Variants in NCKAP5 observed in about 807,000 individuals in gnomAD.
NCKAP5 encodes the protein nck-associated protein 5.
Under a neutral mutation model 167.0 loss-of-function variants are expected in NCKAP5, and 92 were observed. The ratio of observed to expected loss-of-function variants is 0.55; its 90% CI spans 0.47 to 0.66. The LOEUF is 0.66. Among genes scored for constraint, NCKAP5 ranks in the 30% least tolerant of loss-of-function variants. The pLI is 0.00. For synonymous variants in NCKAP5, 891 were observed against 877.4 expected (o/e 1.02, Z -0.27); for missense variants, 2,378 against 2,315.0 (o/e 1.03, Z -0.56).
intron 7 of NCKAP5, among the ~76,000 whole-genome samples, 155 bp from the exon 8 acceptor site, chr2:132,964,024 T>C (rs1255047613): frequency 2.0e-5 from 3 of 152,160 alleles, no homozygotes; most frequent in South Asian, 2.1e-4. Context: ...TTTTAAAAAA[T>C]GAAGTAGATA....
intron 8 of NCKAP5, among the ~76,000 whole-genome samples, chr2:132,884,961 G>C (rs11895174): frequency 6.6e-6 from 1 of 152,158 alleles, no homozygotes; most frequent in South Asian, 2.1e-4. Flanking sequence ...ATCTATTACT[G>C]CCAAGCAAAT....
At chr2:132,819,998 G>A (rs1441256371) in intron 11 of NCKAP5, among the ~76,000 whole-genome samples, 3 of 152,082 alleles carry the variant, frequency 2.0e-5, no homozygotes, top group Non-Finnish European at 2.9e-5. Context: ...CTTTTATAAA[G>A]TTTTCAGAAC....
At chr2:133,562,586 G>A (rs566617325) in intron 1 of NCKAP5, among the ~76,000 whole-genome samples, 9 of 152,206 alleles carry the variant, frequency 5.9e-5, no homozygotes, top group African/African-American at 1.4e-4. Flanking sequence ...TTTCAACACC[G>A]TAATATTTAT....
intron 6 of NCKAP5, among the ~76,000 whole-genome samples, chr2:133,049,583 C>A (rs1010337639): frequency 4.7e-5 from 7 of 149,524 alleles, no homozygotes; most frequent in South Asian, 2.1e-4. Flanking sequence ...GGCACACAGG[C>A]AAGTTTTTCA....
intron 8 of NCKAP5, among the ~76,000 whole-genome samples, chr2:132,924,991 A>T (rs1263648396): frequency 6.6e-6 from 1 of 152,122 alleles, no homozygotes. Context: ...TTAGAATTGT[A>T]TGTTTTGCAT....
chr2:132,864,275 GA>G (rs1250163720), intron 10 of NCKAP5, among the ~76,000 whole-genome samples: 1 of 151,736 alleles, frequency 6.6e-6, no homozygotes, highest in Non-Finnish European at 1.5e-5. Flanking sequence ...TGTGTCTTCA[GA>G]TAAGAAAATG....
intron 19 of NCKAP5, among the ~76,000 whole-genome samples, chr2:132,675,997 G>C (rs1684409866): frequency 6.6e-6 from 1 of 152,130 alleles, no homozygotes; most frequent in African/African-American, 2.4e-5. Context: ...CAGTCTCTAG[G>C]CAGAGCAGCC....
At position 133,047,910 on chromosome 2, in the gene NCKAP5, A is replaced by G. The variant is rs187237613; in HGVS notation, c.342-53671T>C. On this transcript the variant is annotated intron_variant, in intron 6 of 19. Coordinates refer to ENST00000409261, the MANE Select transcript of NCKAP5 (RefSeq NM_207363.3). ...GGTTGCATATATAAAATGAAGCCCCACATTCAAAAGCAGAACTTTGGCATG... is the reference window on the plus strand; with the variant it reads ...GGTTGCATATATAAAATGAAGCCCCGCATTCAAAAGCAGAACTTTGGCATG... 3.3e-4 allele frequency among the ~76,000 whole-genome samples: 50 copies of G among 152,350 alleles called. No individual in the cohort carries two copies. In the East Asian group the frequency reaches 8.7e-3, roughly 26 times the overall value.
intron 3 of NCKAP5, among the ~76,000 whole-genome samples, chr2:133,313,027 C>A (rs1292284723): frequency 6.6e-6 from 1 of 152,178 alleles, no homozygotes; most frequent in Non-Finnish European, 1.5e-5. Context: ...TAGGGTCAGA[C>A]AATAACAGAC....
chr2:133,435,967 A>G (rs1242703340), intron 3 of NCKAP5, among the ~76,000 whole-genome samples: 4 of 151,894 alleles, frequency 2.6e-5, no homozygotes, highest in African/African-American at 9.7e-5. Flanking sequence ...TAAAATAGTT[A>G]CTCTTCATGA....
At chr2:133,421,453 T>C (rs1430228394) in intron 3 of NCKAP5, among the ~76,000 whole-genome samples, 1 of 152,202 alleles carries the variant, frequency 6.6e-6, no homozygotes, top group Non-Finnish European at 1.5e-5. Flanking sequence ...GAGGTTACAT[T>C]AAAGCACAGA....
At chr2:133,202,859 A>T (rs1023836951) in intron 5 of NCKAP5, among the ~76,000 whole-genome samples, 3 of 152,192 alleles carry the variant, frequency 2.0e-5, no homozygotes, top group African/African-American at 7.2e-5. Context: ...CACACCAGTT[A>T]GAATGGTGAT....
rs557167863 is a variant in NCKAP5 at position 133,214,177 on chromosome 2, C to T, written c.144-398G>A. ...CACACCAATAATATTAAGAAGCAAA[C>T]AAAATATAACTCCTTACTACTTTTA... is the stretch of plus-strand genomic sequence containing the variant. On this transcript the variant is annotated intron_variant, in intron 4 of 19. Transcript: ENST00000409261. Among the ~76,000 whole-genome samples the T allele has an allele frequency of 2.6e-5, 4 of 152,198 alleles. No individual in the cohort carries two copies. The South Asian group carries it at 6.2e-4, about 24-fold the overall frequency.
intron 13 of NCKAP5, 81 bp from the exon 14 acceptor site, chr2:132,785,799 T>G: frequency 8.5e-7 from 1 of 1,173,992 alleles, no homozygotes; most frequent in Non-Finnish European, 1.1e-6. Context: ...ATCATGGGAC[T>G]TAATTTGTGC....
At chr2:133,386,981 G>A (rs1296121392) in intron 3 of NCKAP5, among the ~76,000 whole-genome samples, 1 of 152,154 alleles carries the variant, frequency 6.6e-6, no homozygotes. Context: ...GCACACTGAT[G>A]GGTCTTGACT....
chr2:132,825,753 T>C lies in NCKAP5; in HGVS notation c.808-29024A>G, dbSNP rs550393997. Among the ~76,000 whole-genome samples, 3 of 152,336 alleles carry C rather than the reference T, an allele frequency of 2.0e-5. No individual in the cohort carries two copies. In the South Asian group the frequency reaches 6.2e-4, roughly 32 times the overall value. The stretch of plus-strand genomic sequence containing the variant: ...GATGGGAGGAGCTAGCCATATGGAT[T>C]TATGCTGGCAAAACTGTTGTTTCCA... On this transcript the variant is annotated intron_variant, in intron 11 of 19. Transcript: ENST00000409261.
At chr2:132,681,193 C>T (rs1394031693) in intron 19 of NCKAP5, among the ~76,000 whole-genome samples, 1 of 151,898 alleles carries the variant, frequency 6.6e-6, no homozygotes, top group Non-Finnish European at 1.5e-5. Flanking sequence ...TGAGCAGTTC[C>T]TGAGATGAGA....
At chr2:132,920,767 G>GTGTGTGTA (rs1558943158) in intron 8 of NCKAP5, among the ~76,000 whole-genome samples, 5 of 31,248 alleles carry the variant, frequency 1.6e-4, no homozygotes, top group Non-Finnish European at 3.4e-4. Context: ...GTATATATAT[G>GTGTGTGTA]TATGTATATA....
At chr2:133,432,486 A>G (rs1574946239) in intron 3 of NCKAP5, among the ~76,000 whole-genome samples, 2 of 152,184 alleles carry the variant, frequency 1.3e-5, no homozygotes, top group African/African-American at 4.8e-5. Context: ...TGTTGTTGCT[A>G]TTAAGCCAGA....
Sources: allele counts gnomAD v4.1 joint callset (sites outside exome capture counted in the v4.1 genomes callset), GRCh38; gene constraint gnomAD v4.1.1; transcripts MANE v1.5; gene names NCBI Gene and HGNC (gene_info 2026-07-23, HGNC 2026-07-21).